SLC22A25: variants seen among roughly 807,000 people sequenced by gnomAD.
The protein encoded by SLC22A25 is MGI:2442751, MGI:2385316, MGI:3042283, MGI:3645714, MGI:3605624, MGI:2442750.
Under a neutral mutation model 45.9 loss-of-function variants are expected in SLC22A25, and 44 were observed. The observed-to-expected ratio is 0.96, with a 90% CI of 0.75 to 1.23. The LOEUF (loss-of-function observed/expected upper bound fraction) is 1.23. Ranked by LOEUF, SLC22A25 falls within the 50% of genes most tolerant of loss-of-function variation. SLC22A25 has a pLI of 0.00. For synonymous variants in SLC22A25, 283 were observed against 238.6 expected, an observed-to-expected ratio of 1.19 and a Z score of -1.72; for missense variants, 800 against 666.4, an observed-to-expected ratio of 1.20 and a Z score of -2.21.
intron 5 of SLC22A25, 94 bp downstream of exon 5, chr11:63,228,367 G>A (rs1401495814): frequency 1.0e-6 from 1 of 977,786 alleles, no homozygotes; most frequent in Non-Finnish European, 1.6e-6. Context: ...GGAGCAACAG[G>A]ATAGTGTGAT....
chr11:63,217,442 C>T lies in SLC22A25; in HGVS notation c.702G>A (p.Leu234=), dbSNP rs1323482964. The change falls in exon 7 of 12, where the codon TTG becomes TTA. Residue 234 remains leucine, a synonymous_variant. Coordinates refer to ENST00000306494, the MANE Select transcript of SLC22A25 (RefSeq NM_199352.6). Reference sequence around the variant, plus strand: ...TACTAGCAGCACAAAGTGTCAATGTCAATGCCATGGCACAGAATTGGTGAG... The same window carrying T: ...TACTAGCAGCACAAAGTGTCAATGTTAATGCCATGGCACAGAATTGGTGAG... ...WITHQFCAMA[L]TLTLCAASIG... is the part of the protein sequence containing the mutation. 6.2e-7 allele frequency: 1 copy of T among 1,614,050 alleles called. No homozygotes were observed. The highest frequency in any genetic ancestry group is 8.5e-7 in the Non-Finnish European group (1 of 1,180,004).
intron 5 of SLC22A25, among the ~76,000 whole-genome samples, chr11:63,226,967 C>G (rs577803996): frequency 6.6e-6 from 1 of 152,136 alleles, no homozygotes; most frequent in Non-Finnish European, 1.5e-5. Flanking sequence ...TGATTATTAA[C>G]TTATGGTCCA....
chr11:63,189,933 TC>T (rs1432757733), intron 7 of SLC22A25, among the ~76,000 whole-genome samples: 1 of 152,246 alleles, frequency 6.6e-6, no homozygotes, highest in Non-Finnish European at 1.5e-5. Context: ...CTGATGGGCT[TC>T]CCTTTGTGGG....
In SLC22A25 at chr11:63,163,748, C is replaced by T; in HGVS notation, c.*76G>A. 4 of 1,529,352 alleles carry T rather than the reference C, an allele frequency of 2.6e-6. No homozygotes were observed. The highest frequency in any genetic ancestry group is 2.3e-5 in the East Asian group (1 of 44,254). The allele number at this position is 1,529,352 out of a possible 1,614,324, so 94.7% of individuals were successfully genotyped here. ...ACACCAAAGGCAAAGGCACTGACTA[C>T]ATGGGAATAGCCCAGATCTAAGCCT... is the stretch of plus-strand genomic sequence containing the variant. On this transcript the variant is annotated 3_prime_UTR_variant, in exon 12 of 12. Transcript: ENST00000306494.
chr11:63,240,135 T>A (rs891265915), intron 1 of SLC22A25, among the ~76,000 whole-genome samples: 21 of 152,180 alleles, frequency 1.4e-4, no homozygotes, highest in African/African-American at 5.1e-4. Context: ...GCAATTATAA[T>A]ACATTGGTGC....
chr11:63,221,491 T>C (rs2089852994), intron 5 of SLC22A25, among the ~76,000 whole-genome samples: 1 of 152,136 alleles, frequency 6.6e-6, no homozygotes, highest in East Asian at 1.9e-4. Context: ...TTTTTTTTCC[T>C]ACAGAGTTGT....
chr11:63,205,748 C>T (rs1404547479), intron 7 of SLC22A25, among the ~76,000 whole-genome samples: 1 of 152,182 alleles, frequency 6.6e-6, no homozygotes, highest in Non-Finnish European at 1.5e-5. Context: ...GGTACCCTTC[C>T]TTCTGAAACT....
At chr11:63,209,444 A>C (rs752136422) in intron 7 of SLC22A25, among the ~76,000 whole-genome samples, 4 of 152,204 alleles carry the variant, frequency 2.6e-5, no homozygotes, top group Non-Finnish European at 5.9e-5. Flanking sequence ...GGCAGGAGGC[A>C]GAGTCAGGAG....
intron 3 of SLC22A25, among the ~76,000 whole-genome samples, chr11:63,235,201 A>G (rs2090142652): frequency 6.6e-6 from 1 of 152,112 alleles, no homozygotes; most frequent in African/African-American, 2.4e-5. Flanking sequence ...GCCTTGCTAG[A>G]TTGGGGAAGT....
intron 9 of SLC22A25, chr11:63,167,440 A>C (rs988403566): frequency 6.6e-6 from 1 of 152,356 alleles, no homozygotes; most frequent in Admixed American, 6.5e-5. Context: ...CTGCCAGCAC[A>C]TCAGTCTGAG....
chr11:63,164,251 A>G (rs2087602829), intron 11 of SLC22A25, among the ~76,000 whole-genome samples, 178 bp from the exon 12 acceptor site: 1 of 152,214 alleles, frequency 6.6e-6, no homozygotes, highest in African/African-American at 2.4e-5. Flanking sequence ...CAAGTGAATT[A>G]GACACATTTT....
At position 63,235,040 on chromosome 11, in the gene SLC22A25, C is replaced by T. The variant is rs538379458; in HGVS notation, c.-445+2841G>A. On this transcript the variant is annotated intron_variant, in intron 3 of 11. Coordinates refer to ENST00000306494, the MANE Select transcript of SLC22A25 (RefSeq NM_199352.6). ...TCTAATGGGCTTCCCTGTGGGTAAC[C>T]TGACCTTTCTCTCTGGCTGCCCTTA... 3.9e-5 allele frequency among the ~76,000 whole-genome samples: 6 copies of T among 152,280 alleles called. No homozygotes were observed. In the South Asian group the frequency reaches 1.0e-3, roughly 26 times the overall value.
At position 63,159,464 on chromosome 11, in the gene SLC22A25, G is replaced by A. The variant is rs1005996003; in HGVS notation, c.*4360C>T. The stretch of plus-strand genomic sequence containing the variant: ...TTTTATAAGGGGGAGTTTCCCTGCA[G>A]AAATTCTCTTTTCCCTGCTGCCATG... On this transcript the variant is annotated 3_prime_UTR_variant, in exon 12 of 12. Transcript: ENST00000306494. Among the ~76,000 whole-genome samples the A allele has an allele frequency of 3.9e-5, 6 of 152,188 alleles. No homozygotes were observed. Among genetic ancestry groups the A allele is most frequent in the African/African-American group, 1.4e-4 (6 of 41,458 alleles).
At chr11:63,166,331 G>A (rs1590770729) in intron 9 of SLC22A25, 73 bp from the exon 10 acceptor site, 2 of 1,549,766 alleles carry the variant, frequency 1.3e-6, no homozygotes, top group Non-Finnish European at 1.7e-6. Context: ...AATAATATTG[G>A]CCCAGGTAGC....
chr11:63,180,662 C>CA lies in SLC22A25; in HGVS notation c.1067dup (p.Arg357GlufsTer102). On this transcript the variant is annotated frameshift_variant, in exon 9 of 12. Coordinates refer to ENST00000306494, the MANE Select transcript of SLC22A25 (RefSeq NM_199352.6). LOFTEE classifies it high-confidence loss of function. ...CTCACACACTGCATGAAACTTACCT[C>CA]ACAAAGGACAGGAAACAGATTCTTT... The CA allele has an allele frequency of 6.2e-7, 1 of 1,608,524 alleles. No homozygotes were observed. Among genetic ancestry groups the CA allele is most frequent in the Non-Finnish European group, 8.5e-7 (1 of 1,177,078 alleles).
rs2089741730 is a variant in SLC22A25, at chr11:63,217,415, A to C, written c.729T>G (p.Ile243Met). The C allele has an allele frequency of 1.2e-6, 2 of 1,614,102 alleles. No homozygotes were observed. The highest frequency in any genetic ancestry group is 1.7e-6 in the Non-Finnish European group (2 of 1,180,014). Reference protein sequence around the residue: ...ALTLTLCAASIGHITLGSLAF... With the variant: ...ALTLTLCAASMGHITLGSLAF... ...CCAGGCTTCCCAGGGTTATATGTCC[A>C]ATACTAGCAGCACAAAGTGTCAATG... The change falls in exon 7 of 12, where the codon ATT becomes ATG. Residue 243 changes from isoleucine (I) to methionine (M), a missense_variant. Transcript: ENST00000306494.
chr11:63,187,004 C>T (rs2088580598), intron 7 of SLC22A25, among the ~76,000 whole-genome samples: 1 of 152,074 alleles, frequency 6.6e-6, no homozygotes. Flanking sequence ...GTTCTTTTGG[C>T]TTGGGATTGA....
rs58843380 is a variant in SLC22A25, at chr11:63,182,489, TA to T, written c.954+1204del. ...AAGAATTACACTATATATATATATA[TA>T]TTCTCTCTATATATTCTTTATATAT... is the stretch of plus-strand genomic sequence containing the variant. On this transcript the variant is annotated intron_variant, in intron 8 of 11. Coordinates refer to ENST00000306494, the MANE Select transcript of SLC22A25 (RefSeq NM_199352.6). Among the ~76,000 whole-genome samples the T allele has an allele frequency of 1.2e-3, 188 of 151,596 alleles. 3 individuals carry two copies. In the East Asian group the frequency reaches 0.032, roughly 26 times the overall value.
chr11:63,207,314 T>C (rs1006367485), intron 7 of SLC22A25, among the ~76,000 whole-genome samples: 16 of 152,284 alleles, frequency 1.1e-4, no homozygotes, highest in African/African-American at 3.6e-4. Context: ...TTGGTAACTA[T>C]CATCAGAGTG....
Sources: allele counts gnomAD v4.1 joint callset (sites outside exome capture counted in the v4.1 genomes callset), GRCh38; gene constraint gnomAD v4.1.1; transcripts MANE v1.5; gene names NCBI Gene and HGNC (gene_info 2026-07-23, HGNC 2026-07-21).